The following CAMKMT variants were observed in gnomAD, a reference collection of about 807,000 sequenced individuals.
CAMKMT encodes the protein calmodulin-lysine N-methyltransferase.
CAMKMT carries 53 observed loss-of-function variants against 48.0 expected under a neutral mutation model. The ratio of observed to expected loss-of-function variants is 1.10; its 90% CI spans 0.89 to 1.39. CAMKMT has a LOEUF of 1.39. Among genes scored for constraint, CAMKMT ranks in the 40% most tolerant of loss-of-function variants. CAMKMT has a pLI of 0.00. For synonymous variants in CAMKMT, 165 were observed against 152.3 expected, an observed-to-expected ratio of 1.08 and a Z score of -0.61; for missense variants, 428 against 402.7, an observed-to-expected ratio of 1.06 and a Z score of -0.54.
intron 3 of CAMKMT, among the ~76,000 whole-genome samples, chr2:44,695,207 A>T (rs1424278621): frequency 6.6e-6 from 1 of 152,132 alleles, no homozygotes; most frequent in Non-Finnish European, 1.5e-5. Context: ...GTACATGTGC[A>T]GGTTTGTTTT....
chr2:44,624,933 G>A (rs544456372), intron 3 of CAMKMT, among the ~76,000 whole-genome samples: 3 of 152,292 alleles, frequency 2.0e-5, no homozygotes, highest in Admixed American at 1.3e-4. Context: ...CTAGTTTACA[G>A]TCCCACCAAC....
intron 3 of CAMKMT, among the ~76,000 whole-genome samples, chr2:44,630,790 C>A (rs1268944124): frequency 2.0e-5 from 3 of 151,300 alleles, no homozygotes; most frequent in Admixed American, 6.6e-5. Context: ...CACTTTTACA[C>A]TGTTGGTGGG....
At chr2:44,516,286 G>A (rs1438388503) in intron 3 of CAMKMT, among the ~76,000 whole-genome samples, 2 of 152,186 alleles carry the variant, frequency 1.3e-5, no homozygotes, top group East Asian at 3.9e-4. Flanking sequence ...ATGCCACAGT[G>A]TTAGGCCAGG....
At chr2:44,655,771 G>A (rs1674346237) in intron 3 of CAMKMT, among the ~76,000 whole-genome samples, 1 of 152,152 alleles carries the variant, frequency 6.6e-6, no homozygotes, top group Non-Finnish European at 1.5e-5. Context: ...TGCTTACCGA[G>A]CTTGTTCAAC....
intron 3 of CAMKMT, among the ~76,000 whole-genome samples, chr2:44,430,500 A>G (rs1413584626): frequency 6.6e-6 from 1 of 151,286 alleles, no homozygotes; most frequent in Non-Finnish European, 1.5e-5. Context: ...TTGGACTTGC[A>G]TACTAGACCC....
intron 3 of CAMKMT, among the ~76,000 whole-genome samples, chr2:44,421,818 G>A (rs889755834): frequency 6.6e-6 from 1 of 152,134 alleles, no homozygotes; most frequent in Non-Finnish European, 1.5e-5. Flanking sequence ...TCTCTGTGAC[G>A]TTTCATCATT....
At chr2:44,509,693 G>C (rs932796163) in intron 3 of CAMKMT, among the ~76,000 whole-genome samples, 1 of 152,228 alleles carries the variant, frequency 6.6e-6, no homozygotes, top group Non-Finnish European at 1.5e-5. Flanking sequence ...AGGTGGTTAA[G>C]AGGGATTAAT....
intron 3 of CAMKMT, among the ~76,000 whole-genome samples, chr2:44,668,524 G>A (rs1033368028): frequency 6.6e-6 from 1 of 152,124 alleles, no homozygotes; most frequent in African/African-American, 2.4e-5. Flanking sequence ...GTGCCCTCTA[G>A]CTATCTTGTT....
At position 44,498,398 on chromosome 2, in the gene CAMKMT, G is replaced by C. The variant is rs374237560; in HGVS notation, c.376+108093G>C. Reference sequence around the variant, plus strand: ...AAACAAGCTATTTATTAACAGAGTAGGTGGACTAATCCTTTGCTAGAGTAA... The same window carrying C: ...AAACAAGCTATTTATTAACAGAGTACGTGGACTAATCCTTTGCTAGAGTAA... On this transcript the variant is annotated intron_variant, in intron 3 of 10. Coordinates refer to ENST00000378494, the MANE Select transcript of CAMKMT (RefSeq NM_024766.5). 3.9e-5 allele frequency among the ~76,000 whole-genome samples: 6 copies of C among 152,270 alleles called. No individual in the cohort carries two copies. The East Asian group carries it at 1.2e-3, about 29-fold the overall frequency.
At position 44,558,823 on chromosome 2, in the gene CAMKMT, T is replaced by C. The variant is rs929815677; in HGVS notation, c.377-145460T>C. On this transcript the variant is annotated intron_variant, in intron 3 of 10. Coordinates refer to ENST00000378494, the MANE Select transcript of CAMKMT (RefSeq NM_024766.5). ...GAGGTGAGGGTTCAAAAACTAACTA[T>C]TGGGTATTATGTTCACTACCTTGGT... Among the ~76,000 whole-genome samples the C allele has an allele frequency of 3.9e-5, 6 of 152,078 alleles. No homozygotes were observed. The East Asian group carries it at 9.6e-4, about 24-fold the overall frequency.
chr2:44,387,981 C>G (rs1680939884), intron 2 of CAMKMT, among the ~76,000 whole-genome samples: 2 of 152,146 alleles, frequency 1.3e-5, no homozygotes, highest in Non-Finnish European at 2.9e-5. Context: ...TTCATCTTAA[C>G]TTTTGATAAT....
chr2:44,711,963 A>G (rs1413846178), intron 6 of CAMKMT, among the ~76,000 whole-genome samples: 2 of 152,162 alleles, frequency 1.3e-5, no homozygotes, highest in Admixed American at 1.3e-4. Flanking sequence ...TGGGTCACCA[A>G]AAACTAAAAT....
chr2:44,452,514 A>T (rs1667345116), intron 3 of CAMKMT, among the ~76,000 whole-genome samples: 1 of 152,048 alleles, frequency 6.6e-6, no homozygotes, highest in African/African-American at 2.4e-5. Flanking sequence ...TTTTAAAGAA[A>T]TAGATATTAA....
intron 3 of CAMKMT, among the ~76,000 whole-genome samples, chr2:44,595,959 G>T (rs752714578): frequency 6.6e-6 from 1 of 151,734 alleles, no homozygotes; most frequent in East Asian, 1.9e-4. Flanking sequence ...ATGGGGCTGG[G>T]GGGGCATCAC....
rs1680920333 is a variant in CAMKMT at position 44,387,808 on chromosome 2, C to G, written c.312-2433C>G. Among the ~76,000 whole-genome samples the G allele has an allele frequency of 3.9e-5, 6 of 152,058 alleles. No homozygotes were observed. The South Asian group carries it at 1.2e-3, about 32-fold the overall frequency. On this transcript the variant is annotated intron_variant, in intron 2 of 10. Transcript: ENST00000378494. ...TGCCTACTTATATGATGCCTTGTTT[C>G]ACTGGATACAAAATTCTTGGCTGAC...
chr2:44,685,636 A>T (rs1676293570), intron 3 of CAMKMT, among the ~76,000 whole-genome samples: 1 of 152,214 alleles, frequency 6.6e-6, no homozygotes, highest in African/African-American at 2.4e-5. Context: ...GAGAGGGAAC[A>T]TAGTGAATCC....
chr2:44,568,858 AGAC>A (rs1284967729), intron 3 of CAMKMT, among the ~76,000 whole-genome samples: 1 of 152,218 alleles, frequency 6.6e-6, no homozygotes, highest in Non-Finnish European at 1.5e-5. Context: ...GCGGAAGCCC[AGAC>A]CACAGAACAG....
At chr2:44,563,697 C>T (rs1668453844) in intron 3 of CAMKMT, among the ~76,000 whole-genome samples, 2 of 151,796 alleles carry the variant, frequency 1.3e-5, no homozygotes, top group South Asian at 4.2e-4. Flanking sequence ...TTGTTCAGTT[C>T]CCACCTATGA....
rs1667948068 is a variant in CAMKMT, at chr2:44,555,302, GAGA to G, written c.377-148975_377-148973del. 3.9e-5 allele frequency among the ~76,000 whole-genome samples: 6 copies of G among 152,328 alleles called. No individual in the cohort carries two copies. The South Asian group carries it at 1.2e-3, about 32-fold the overall frequency. The stretch of plus-strand genomic sequence containing the variant: ...ACTAGGGGTATTGGTGGTAGGGATA[GAGA>G]AGAAGTGAATTGATTAGAAAGCTGT... On this transcript the variant is annotated intron_variant, in intron 3 of 10. Transcript: ENST00000378494.
Sources: gnomAD v4.1 joint callset for allele counts (sites outside exome capture counted in the v4.1 genomes callset) on GRCh38, gnomAD v4.1.1 for gene constraint, MANE v1.5 for transcripts, NCBI Gene and HGNC (gene_info 2026-07-23, HGNC 2026-07-21) for gene names.